FANCL: variants seen among roughly 807,000 people sequenced by gnomAD.
The protein encoded by FANCL is E3 ubiquitin-protein ligase FANCL.
FANCL carries 69 observed loss-of-function variants against 59.4 expected under a neutral mutation model. The ratio of observed to expected loss-of-function variants is 1.16; its 90% confidence interval spans 0.96 to 1.42. The LOEUF is 1.42. FANCL is among the 40% of genes most tolerant of loss of function. The probability of loss-of-function intolerance (pLI) is 0.00; values close to 1 mark genes in which losing one functional copy is unlikely to be tolerated. For synonymous variants in FANCL, 180 were observed against 147.1 expected (o/e 1.22, Z -1.62); for missense variants, 519 against 447.2 (o/e 1.16, Z -1.45).
intron 7 of FANCL, among the ~76,000 whole-genome samples, chr2:58,195,452 T>A (rs1448762976): frequency 6.6e-6 from 1 of 152,162 alleles, no homozygotes; most frequent in Non-Finnish European, 1.5e-5. Context: ...ATAGGGGCTA[T>A]CTCATACTTA....
At chr2:58,159,845 A>C in intron 13 of FANCL, 45 bp from the exon 14 acceptor site, 1 of 1,608,240 alleles carries the variant, frequency 6.2e-7, no homozygotes. Context: ...GGACACTCTA[A>C]AAAATAAAAT....
chr2:58,201,144 A>G (rs924389785), intron 6 of FANCL, among the ~76,000 whole-genome samples: 1 of 151,186 alleles, frequency 6.6e-6, no homozygotes, highest in African/African-American at 2.4e-5. Flanking sequence ...AATACAATAT[A>G]AGAAAGTAAC....
At chr2:58,173,390 G>A (rs569183812) in intron 7 of FANCL, among the ~76,000 whole-genome samples, 3 of 152,170 alleles carry the variant, frequency 2.0e-5, no homozygotes, top group Admixed American at 6.5e-5. Flanking sequence ...CAGAGAGAAA[G>A]GTCGGGTTAC....
chr2:58,165,618 T>C (rs1441772476), intron 8 of FANCL, 106 bp downstream of exon 8: 9 of 1,394,870 alleles, frequency 6.5e-6, no homozygotes, highest in Non-Finnish European at 9.0e-6. Context: ...ATTTTAATAG[T>C]TGACTTCATA....
intron 4 of FANCL, among the ~76,000 whole-genome samples, chr2:58,224,964 G>C (rs907919296): frequency 6.6e-6 from 1 of 151,796 alleles, no homozygotes; most frequent in Non-Finnish European, 1.5e-5. Flanking sequence ...TTTCCAGATT[G>C]AGGCATCCAA....
intron 6 of FANCL, among the ~76,000 whole-genome samples, chr2:58,201,265 GCTCC>G (rs1689989368): frequency 6.6e-6 from 1 of 151,022 alleles, no homozygotes; most frequent in Non-Finnish European, 1.5e-5. Flanking sequence ...AACAACAAAA[GCTCC>G]ATATCATATA....
intron 5 of FANCL, among the ~76,000 whole-genome samples, chr2:58,211,377 C>A (rs1034148404): frequency 9.9e-5 from 15 of 152,190 alleles, no homozygotes; most frequent in Non-Finnish European, 1.9e-4. Flanking sequence ...AGTCCCTAGC[C>A]TGCACACAGT....
chr2:58,201,068 T>A (rs942643973), intron 6 of FANCL, among the ~76,000 whole-genome samples: 1 of 150,634 alleles, frequency 6.6e-6, no homozygotes, highest in African/African-American at 2.4e-5. Context: ...TAAACTAGCA[T>A]ACTAGATATT....
At chr2:58,210,411 GA>G (rs1300336855) in intron 5 of FANCL, among the ~76,000 whole-genome samples, 4 of 152,008 alleles carry the variant, frequency 2.6e-5, no homozygotes, top group Admixed American at 1.3e-4. Flanking sequence ...CAATATGGGG[GA>G]AACCGCCCTC....
Position 58,160,104 on chromosome 2 carries a change from T to G in FANCL, c.1092+4A>C, listed in dbSNP as rs1244671946. On this transcript the variant is annotated splice_donor_region_variant and intron_variant, in intron 13 of 13. Transcript: ENST00000233741. ...TTATGAGATGTGATTAACAATTTGC[T>G]TACCTTACTACAATATGGACATTCA... 1 of 1,612,028 alleles carries G rather than the reference T, an allele frequency of 6.2e-7. No individual in the cohort carries two copies. The highest frequency in any genetic ancestry group is 1.3e-5 in the African/African-American group (1 of 74,984).
intron 7 of FANCL, among the ~76,000 whole-genome samples, chr2:58,192,714 G>A (rs1392761501): frequency 2.0e-5 from 3 of 151,876 alleles, no homozygotes; most frequent in African/African-American, 7.2e-5. Context: ...GAATTTAGTA[G>A]ATAATGCCTA....
chr2:58,229,675 C>T, intron 3 of FANCL, 139 bp downstream of exon 3: 1 of 679,884 alleles, frequency 1.5e-6, no homozygotes. Context: ...TTTAAAAACA[C>T]ACAGAGATGA....
At chr2:58,198,897 T>C (rs1558784270) in intron 6 of FANCL, among the ~76,000 whole-genome samples, 2 of 151,466 alleles carry the variant, frequency 1.3e-5, no homozygotes, top group African/African-American at 2.4e-5. Context: ...GGCATTGTGG[T>C]GGGCGCCTGT....
At chr2:58,218,236 G>T (rs1015520707) in intron 5 of FANCL, among the ~76,000 whole-genome samples, 3 of 151,772 alleles carry the variant, frequency 2.0e-5, no homozygotes, top group African/African-American at 7.3e-5. Flanking sequence ...AAAAATCAAT[G>T]ACCTACATAT....
intron 5 of FANCL, among the ~76,000 whole-genome samples, chr2:58,218,969 G>A (rs1692131042): frequency 1.3e-5 from 2 of 150,070 alleles, no homozygotes; most frequent in African/African-American, 2.5e-5. Context: ...AGCTAAGAAG[G>A]CCTAGAAACA....
intron 1 of FANCL, among the ~76,000 whole-genome samples, chr2:58,233,942 A>C (rs1048247442): frequency 2.6e-5 from 4 of 152,052 alleles, no homozygotes. Flanking sequence ...AGGCTCTTAT[A>C]CGAGTAAATA....
At chr2:58,238,329 T>A (rs1333705904) in intron 1 of FANCL, among the ~76,000 whole-genome samples, 1 of 152,196 alleles carries the variant, frequency 6.6e-6, no homozygotes, top group East Asian at 1.9e-4. Flanking sequence ...GAGATTTTGA[T>A]CAAGAACTAC....
chr2:58,175,087 G>A lies in FANCL; in HGVS notation c.541-9213C>T, dbSNP rs562583530. On this transcript the variant is annotated intron_variant, in intron 7 of 13. Coordinates refer to ENST00000233741, the MANE Select transcript of FANCL (RefSeq NM_018062.4). ...CTCCCTCCCAAGACTAAACCAGGAA[G>A]AAGTTGAATCTCTGAATAGACCAAT... 8.2e-4 allele frequency among the ~76,000 whole-genome samples: 123 copies of A among 150,730 alleles called. No individual in the cohort carries two copies. In the East Asian group the frequency reaches 0.023, roughly 28 times the overall value.
chr2:58,226,656 T>G (rs1320771093), intron 4 of FANCL, 72 bp downstream of exon 4: 1 of 1,098,996 alleles, frequency 9.1e-7, no homozygotes, highest in Non-Finnish European at 1.4e-6. Flanking sequence ...ATGTCAGTTT[T>G]TAAAGGAGTT....
Sources: allele counts gnomAD v4.1 joint callset (sites outside exome capture counted in the v4.1 genomes callset), GRCh38; gene constraint gnomAD v4.1.1; transcripts MANE v1.5; gene names NCBI Gene and HGNC (gene_info 2026-07-23, HGNC 2026-07-21).